Variants in APBA3 observed in about 807,000 individuals in gnomAD.
The protein encoded by APBA3 is amyloid-beta A4 precursor protein-binding family A member 3.
A neutral mutation model predicts 55.9 loss-of-function variants in APBA3; 45 were observed. The observed-to-expected ratio is 0.80, with a 90% CI of 0.63 to 1.03. The LOEUF is 1.03. Ranked by LOEUF, APBA3 falls within the 50% of genes least tolerant of loss-of-function variation. The probability of loss-of-function intolerance (pLI) is 0.00; values close to 1 mark genes in which losing one functional copy is unlikely to be tolerated. For missense variants in APBA3, 865 were observed against 820.3 expected (o/e 1.05, Z -0.67); for synonymous variants, 370 against 353.3 (o/e 1.05, Z -0.53).
rs754901532 is a variant in APBA3 at position 3,752,732 on chromosome 19, A to AG, written c.1183-13dup. ...TTCTCGAGGTGCACCTGGGACACAC[A>AG]GGGGGCGCGGAGGCTGCTCAGCAGG... is the stretch of plus-strand genomic sequence containing the variant. On this transcript the variant is annotated splice_polypyrimidine_tract_variant and intron_variant, in intron 7 of 10. Coordinates refer to ENST00000316757, the MANE Select transcript of APBA3 (RefSeq NM_004886.4). The AG allele has an allele frequency of 6.2e-7, 1 of 1,604,074 alleles. No homozygotes were observed. The highest frequency in any genetic ancestry group is 1.3e-5 in the African/African-American group (1 of 74,878).
rs1316777854 is a variant in APBA3 at position 3,750,850 on chromosome 19, C to T, written c.*176G>A. 21 of 971,854 alleles carry T rather than the reference C, an allele frequency of 2.2e-5. No homozygotes were observed. Among genetic ancestry groups the T allele is most frequent in the African/African-American group, 3.3e-5 (2 of 61,390 alleles). The allele number at this position is 971,854 out of a possible 1,614,324, so 60.2% of individuals were successfully genotyped here. On this transcript the variant is annotated 3_prime_UTR_variant, in exon 11 of 11. Transcript: ENST00000316757. ...TGGCTTCCAGGAAGGACAAGGTCCT[C>T]GGTCCCGTAGACCCTGATCCGAGAC...
At position 3,760,213 on chromosome 19, in the gene APBA3, A is replaced by G. The variant is rs777473809; in HGVS notation, c.52T>C (p.Leu18=). ...ACAAGAATGTCCCTGGGCCCCTCCA[A>G]GTCCATGGCTGGAGGCCCCGAAGGG... ...RSPSGPPAMD[L]EGPRDILVPS... is the part of the protein sequence containing the mutation. Residue 18 remains leucine, a synonymous_variant, in exon 2 of 11, where the codon TTG becomes CTG. Coordinates refer to ENST00000316757, the MANE Select transcript of APBA3 (RefSeq NM_004886.4). The G allele has an allele frequency of 3.7e-6, 6 of 1,611,468 alleles. No homozygotes were observed. The African/African-American group carries it at 8.0e-5, about 22-fold the overall frequency.
intron 3 of APBA3, among the ~76,000 whole-genome samples, chr19:3,759,306 G>A (rs558293200): frequency 2.0e-5 from 3 of 152,294 alleles, no homozygotes; most frequent in African/African-American, 4.8e-5. Flanking sequence ...CTGGCCCGAC[G>A]ACGATGATTT....
At position 3,760,177 on chromosome 19, in the gene APBA3, C is replaced by A. The variant is rs764194423; in HGVS notation, c.88G>T (p.Asp30Tyr). Residue 30 changes from aspartate to tyrosine, a missense_variant, in exon 2 of 11, where the codon GAC (aspartate) becomes TAC (tyrosine). Coordinates refer to ENST00000316757, the MANE Select transcript of APBA3 (RefSeq NM_004886.4). ...GPRDILVPSEDLTPDSQWDPM... is the reference protein window; with the variant it reads ...GPRDILVPSEYLTPDSQWDPM... ...TCCCACTGGCTGTCAGGGGTGAGGT[C>A]CTCCGAAGGCACAAGAATGTCCCTG... The A allele has an allele frequency of 6.2e-6, 10 of 1,613,060 alleles. No individual in the cohort carries two copies. Among genetic ancestry groups the A allele is most frequent in the Non-Finnish European group, 7.6e-6 (9 of 1,180,004 alleles).
intron 3 of APBA3, among the ~76,000 whole-genome samples, chr19:3,758,917 A>T (rs2037111245): frequency 6.6e-6 from 1 of 151,574 alleles, no homozygotes; most frequent in Non-Finnish European, 1.5e-5. Flanking sequence ...TGAAAAAAAA[A>T]GTCAATTAAA....
rs764368331 is a variant in APBA3, at chr19:3,754,390, G to T, written c.617-50C>A. The T allele has an allele frequency of 3.3e-6, 5 of 1,524,456 alleles. No homozygotes were observed. In the East Asian group the frequency reaches 9.7e-5, roughly 30 times the overall value. 94.4% of individuals were successfully genotyped at this position (1,524,456 alleles called of 1,614,324 possible). ...GGCCCCCAGGGGCCCACTCCCACAG[G>T]CTCTGCCCCAGGGCTACGCTCTCCG... On this transcript the variant is annotated intron_variant, in intron 3 of 10. Transcript: ENST00000316757.
Position 3,759,694 on chromosome 19 carries a change from C to A in APBA3, c.571G>T (p.Ala191Ser), listed in dbSNP as rs764857509. ...LVTPEEPPAGAQSPETLASYP... is the reference protein window; with the variant it reads ...LVTPEEPPAGSQSPETLASYP... ...GAGGGCGGGGCGGGCACTACCTGGG[C>A]ACCAGCGGGTGGCTCTTCAGGTGTG... is the stretch of plus-strand genomic sequence containing the variant. Residue 191 changes from alanine (A) to serine (S), a missense_variant, in exon 2 of 11, where the codon GCC becomes TCC. Coordinates refer to ENST00000316757, the MANE Select transcript of APBA3 (RefSeq NM_004886.4). 6.2e-7 allele frequency: 1 copy of A among 1,611,866 alleles called. No homozygotes were observed. Among genetic ancestry groups the A allele is most frequent in the East Asian group, 2.2e-5 (1 of 44,870 alleles).
At position 3,751,345 on chromosome 19, in the gene APBA3, G is replaced by A. The variant is rs2036998614; in HGVS notation, c.1516-16C>T. ...GGCTGCAGATCTGGGGGAGAAAAGAGGGGGACGGGAAAGAGGTGGGGGCTG... is the reference window on the plus strand; with the variant it reads ...GGCTGCAGATCTGGGGGAGAAAAGAAGGGGACGGGAAAGAGGTGGGGGCTG... On this transcript the variant is annotated splice_polypyrimidine_tract_variant and intron_variant, in intron 9 of 10. Coordinates refer to ENST00000316757, the MANE Select transcript of APBA3 (RefSeq NM_004886.4). 1 of 1,525,470 alleles carries A rather than the reference G, an allele frequency of 6.6e-7. No homozygotes were observed. The highest frequency in any genetic ancestry group is 8.8e-7 in the Non-Finnish European group (1 of 1,139,028). 94.5% of individuals were successfully genotyped at this position (1,525,470 alleles called of 1,614,324 possible).
In APBA3 at chr19:3,754,282, G is replaced by A; in HGVS notation, c.675C>T (p.Tyr225=). The A allele has an allele frequency of 6.4e-7, 1 of 1,551,848 alleles. No individual in the cohort carries two copies. The highest frequency in any genetic ancestry group is 2.0e-5 in the Admixed American group (1 of 49,970). ...CCGACACCAGCTGGGTGGACCCCAG[G>A]TACCTGGCCCCAAATATGACACCGT... ...LLDGVIFGAR[Y]LGSTQLVSER... Residue 225 remains tyrosine (Y), a synonymous_variant, in exon 4 of 11, where the codon TAC becomes TAT. Transcript: ENST00000316757.
At position 3,754,245 on chromosome 19, in the gene APBA3, G is replaced by C; in HGVS notation, c.712C>G (p.Pro238Ala). Residue 238 changes from proline to alanine, a missense_variant, in exon 4 of 11, where the codon CCC becomes GCC. Coordinates refer to ENST00000316757, the MANE Select transcript of APBA3 (RefSeq NM_004886.4). ...STQLVSERNP[P>A]TSTRMAQARE... ...GCCTGGGCCATGCGCGTGCTGGTGGGCGGGTTCCGTTCCGACACCAGCTGG... is the reference window on the plus strand; with the variant it reads ...GCCTGGGCCATGCGCGTGCTGGTGGCCGGGTTCCGTTCCGACACCAGCTGG... The C allele has an allele frequency of 6.5e-7, 1 of 1,546,944 alleles. No individual in the cohort carries two copies. Among genetic ancestry groups the C allele is most frequent in the Admixed American group, 2.0e-5 (1 of 49,368 alleles).
chr19:3,761,148 G>A (rs937465407), intron 1 of APBA3, among the ~76,000 whole-genome samples: 2 of 152,022 alleles, frequency 1.3e-5, no homozygotes, highest in Admixed American at 6.6e-5. Context: ...TCAACTAATG[G>A]AGTCTGTTCA....
In APBA3 at chr19:3,752,007, C is replaced by G. The variant is rs140343543; in HGVS notation, c.1396-454G>C. 1,818 of 196,036 alleles carry G rather than the reference C, an allele frequency of 9.3e-3. 43 individuals carry two copies. The highest frequency in any genetic ancestry group is 0.042 in the African/African-American group (1,756 of 42,178). The allele number at this position is 196,036 out of a possible 1,614,324, so 12.1% of individuals were successfully genotyped here. A position where few individuals can be genotyped will look rare whatever the true frequency, so the allele number is the denominator to read the frequency against. ...GGTGGATCACTTGAGGCCAGGAGCT[C>G]AAGACCAGCCTGGCCAACCAACATA... On this transcript the variant is annotated intron_variant, in intron 8 of 10. Coordinates refer to ENST00000316757, the MANE Select transcript of APBA3 (RefSeq NM_004886.4).
In APBA3 at chr19:3,751,182, C is replaced by T. The variant is rs750971756; in HGVS notation, c.1656+7G>A. On this transcript the variant is annotated splice_region_variant and intron_variant, in intron 10 of 10. Coordinates refer to ENST00000316757, the MANE Select transcript of APBA3 (RefSeq NM_004886.4). ...GCGCCCCTGGCCACCACCCACCACCCGCACACCTCGCCATAGGCCTCGGTG... is the reference window on the plus strand; with the variant it reads ...GCGCCCCTGGCCACCACCCACCACCTGCACACCTCGCCATAGGCCTCGGTG... 8 of 1,552,240 alleles carry T rather than the reference C, an allele frequency of 5.2e-6. No individual in the cohort carries two copies. The highest frequency in any genetic ancestry group is 2.4e-5 in the South Asian group (2 of 84,222).
chr19:3,753,693 G>A (rs192832754), intron 6 of APBA3, 72 bp downstream of exon 6: 218 of 1,355,346 alleles, frequency 1.6e-4, no homozygotes, highest in African/African-American at 1.1e-3. Context: ...TTAAATGCAC[G>A]GCCCACTGAG....
rs1356420352 is a variant in APBA3, at chr19:3,752,499, G to A, written c.1395+9C>T. 3.8e-6 allele frequency: 6 copies of A among 1,561,722 alleles called. No homozygotes were observed. Among genetic ancestry groups the A allele is most frequent in the Non-Finnish European group, 5.2e-6 (6 of 1,158,644 alleles). ...GAGTGTGGGGGCCCTGCCACACCAGGAAACTCACGCGGACAGCGGCCTGGC... is the reference window on the plus strand; with the variant it reads ...GAGTGTGGGGGCCCTGCCACACCAGAAAACTCACGCGGACAGCGGCCTGGC... On this transcript the variant is annotated intron_variant, in intron 8 of 10. Transcript: ENST00000316757.
Position 3,761,559 on chromosome 19 carries a change from C to G in APBA3, c.-61G>C, listed in dbSNP as rs899535664. On this transcript the variant is annotated 5_prime_UTR_variant, in exon 1 of 11. Coordinates refer to ENST00000316757, the MANE Select transcript of APBA3 (RefSeq NM_004886.4). ...ACTTCCCAAATCGAGGCCGCCTCAG[C>G]CCCGCGCAGCCTCCAGGACCCCGCT... The G allele has an allele frequency of 6.6e-6, 1 of 152,526 alleles. No homozygotes were observed. The highest frequency in any genetic ancestry group is 2.4e-5 in the African/African-American group (1 of 41,468). The allele number at this position is 152,526 out of a possible 1,614,324, so 9.4% of individuals were successfully genotyped here.
Position 3,753,933 on chromosome 19 carries a change from C to T in APBA3, c.850-7G>A, listed in dbSNP as rs201224433. On this transcript the variant is annotated splice_region_variant and splice_polypyrimidine_tract_variant and intron_variant, in intron 5 of 10. Coordinates refer to ENST00000316757, the MANE Select transcript of APBA3 (RefSeq NM_004886.4). ...CGTGGTCCATCATGGCCTCCTGGGG[C>T]GGGAGAGGCAGCCTGGGTGGGTTGG... 5.5e-5 allele frequency: 85 copies of T among 1,554,546 alleles called. No individual in the cohort carries two copies. In the African/African-American group the frequency reaches 9.4e-4, roughly 17 times the overall value.
intron 3 of APBA3, chr19:3,755,938 G>A (rs543015574): frequency 1.2e-4 from 19 of 152,110 alleles, no homozygotes; most frequent in Admixed American, 9.2e-4. Context: ...TTAGAACCAC[G>A]GGTGTAGGGC....
In APBA3 at chr19:3,754,015, G is replaced by A. The variant is rs775115362; in HGVS notation, c.849+4C>T. 9.3e-6 allele frequency: 15 copies of A among 1,607,144 alleles called. No homozygotes were observed. The highest frequency in any genetic ancestry group is 8.4e-5 in the Admixed American group (5 of 59,284). On this transcript the variant is annotated splice_donor_region_variant and intron_variant, in intron 5 of 10. Coordinates refer to ENST00000316757, the MANE Select transcript of APBA3 (RefSeq NM_004886.4). ...CATCCCTGGGGCGGGTCCCTGCCCC[G>A]TACCTGGGAGTCCGCTGTCAAGACC...
Sources: allele counts gnomAD v4.1 joint callset (sites outside exome capture counted in the v4.1 genomes callset), GRCh38; gene constraint gnomAD v4.1.1; transcripts MANE v1.5; gene names NCBI Gene and HGNC (gene_info 2026-07-23, HGNC 2026-07-21).